The following TFDP1 variants were observed in gnomAD, a reference collection of about 807,000 sequenced individuals.
TFDP1 encodes transcription factor Dp-1.
A neutral mutation model predicts 48.0 loss-of-function variants in TFDP1; 6 were observed. The ratio of observed to expected loss-of-function variants is 0.13; its 90% confidence interval spans 0.07 to 0.25. TFDP1 has a LOEUF of 0.25. Among genes scored for constraint, TFDP1 ranks in the 10% least tolerant of loss-of-function variants. The pLI is 1.00. For synonymous variants in TFDP1, 201 were observed against 211.6 expected (o/e 0.95, Z 0.44); for missense variants, 335 against 543.0 (o/e 0.62, Z 3.81).
intron 3 of TFDP1, among the ~76,000 whole-genome samples, chr13:113,616,551 A>G (rs1199759324): frequency 2.6e-5 from 4 of 152,120 alleles, no homozygotes; most frequent in African/African-American, 9.7e-5. Context: ...GATTATACAT[A>G]TCCTCTTAGC....
At chr13:113,585,600 G>C (rs775639143) in intron 1 of TFDP1, 174 bp from the exon 2 acceptor site, 3 of 431,880 alleles carry the variant, frequency 6.9e-6, no homozygotes, top group African/African-American at 4.0e-5. Flanking sequence ...CGTCTGGCGA[G>C]GCGACTGAAA....
chr13:113,598,982 G>C lies in TFDP1; in HGVS notation c.13-12014G>C, dbSNP rs1027215221. Among the ~76,000 whole-genome samples the C allele has an allele frequency of 6.6e-6, 1 of 152,238 alleles. No homozygotes were observed. Among genetic ancestry groups the C allele is most frequent in the Non-Finnish European group, 1.5e-5 (1 of 68,044 alleles). On this transcript the variant is annotated intron_variant, in intron 2 of 11. Coordinates refer to ENST00000375370, the MANE Select transcript of TFDP1 (RefSeq NM_007111.5). This position sits in a 1 kb window ranked among gnomAD's most constrained non-coding sequence, Gnocchi z 4.2. ...ATTTAAAAACGTAGGGTGCAGAAAG[G>C]TGTCAGAAAGTAAGCAGTCATCTGA...
At chr13:113,593,533 AG>A (rs141372207) in intron 2 of TFDP1, among the ~76,000 whole-genome samples, 2,381 of 127,900 alleles carry the variant, frequency 0.019, 165 homozygotes, top group African/African-American at 0.073. Flanking sequence ...CACCCTGCCC[AG>A]GTGACAGGTG....
At chr13:113,634,483 C>G in intron 7 of TFDP1, 51 bp from the exon 8 acceptor site, 2 of 1,529,590 alleles carry the variant, frequency 1.3e-6, no homozygotes. Flanking sequence ...TTAAAAAACG[C>G]TCTGTGGAAC....
chr13:113,585,788 TTC>T lies in TFDP1; in HGVS notation c.-46_-45del. On this transcript the variant is annotated 5_prime_UTR_variant, in exon 2 of 12. Coordinates refer to ENST00000375370, the MANE Select transcript of TFDP1 (RefSeq NM_007111.5). ...TTTTTTACCAGAAAAATCATTTTTC[TTC>T]TCTGGGAAGGTGAACATTTGTAGCA... 6.6e-7 allele frequency: 1 copy of T among 1,504,110 alleles called. No homozygotes were observed. Among genetic ancestry groups the T allele is most frequent in the Non-Finnish European group, 9.0e-7 (1 of 1,108,794 alleles). 93.2% of individuals were successfully genotyped at this position (1,504,110 alleles called of 1,614,324 possible). A position where few individuals can be genotyped will look rare whatever the true frequency, so the allele number is the denominator to read the frequency against.
intron 2 of TFDP1, among the ~76,000 whole-genome samples, chr13:113,606,196 T>A (rs1156957936): frequency 7.8e-6 from 1 of 127,584 alleles, no homozygotes; most frequent in Non-Finnish European, 1.7e-5. Context: ...GGCGGTGCGG[T>A]GGTTGAGTGT....
At chr13:113,595,882 A>G (rs1214577927) in intron 2 of TFDP1, among the ~76,000 whole-genome samples, 2 of 152,216 alleles carry the variant, frequency 1.3e-5, no homozygotes, top group East Asian at 1.9e-4. Context: ...GGATATCGAG[A>G]CCATCCTGGC....
rs768982983 is a variant in TFDP1, at chr13:113,637,738, C to T, written c.1007-80C>T. The stretch of plus-strand genomic sequence containing the variant: ...TACAGCCGTCTGTCCTGTGGAACTG[C>T]GCGTCATTTTGTTGGTTGCCTGTGC... On this transcript the variant is annotated intron_variant, in intron 10 of 11. Transcript: ENST00000375370. The T allele has an allele frequency of 5.1e-5, 82 of 1,611,556 alleles. No homozygotes were observed. The Middle Eastern group carries it at 8.2e-4, about 16-fold the overall frequency.
At position 113,636,120 on chromosome 13, in the gene TFDP1, C is replaced by T. The variant is rs755544095; in HGVS notation, c.831C>T (p.Ser277=). 2 of 1,614,188 alleles carry T rather than the reference C, an allele frequency of 1.2e-6. No homozygotes were observed. The highest frequency in any genetic ancestry group is 1.7e-6 in the Non-Finnish European group (2 of 1,180,010). ...SKKTVIDCSI[S]NDKFEYLFNF... ...AGACGGTCATCGACTGCAGCATCTC[C>T]AATGACAAGTAGGTTGTGGGCGGGG... is the stretch of plus-strand genomic sequence containing the variant. The change falls in exon 9 of 12, where the codon TCC becomes TCT. Residue 277 remains serine (S), a synonymous_variant. Coordinates refer to ENST00000375370, the MANE Select transcript of TFDP1 (RefSeq NM_007111.5).
intron 2 of TFDP1, among the ~76,000 whole-genome samples, chr13:113,610,333 T>C (rs1243795532): frequency 6.6e-6 from 1 of 151,982 alleles, no homozygotes; most frequent in Non-Finnish European, 1.5e-5. Flanking sequence ...GTGACTGTAC[T>C]GTCATGCGTG....
chr13:113,591,664 CAGTTG>C (rs2048150085), intron 2 of TFDP1, among the ~76,000 whole-genome samples: 1 of 152,160 alleles, frequency 6.6e-6, no homozygotes, highest in Non-Finnish European at 1.5e-5. Flanking sequence ...TCCAGATTTG[CAGTTG>C]ATATTTAGCT....
chr13:113,633,509 T>G lies in TFDP1; in HGVS notation c.474+224T>G, dbSNP rs1267575309. ...TTCGCTCTTTTAATATCGGGAACAGTTAAAACCATACAGAAAATGCCAAGT... is the reference window on the plus strand; with the variant it reads ...TTCGCTCTTTTAATATCGGGAACAGGTAAAACCATACAGAAAATGCCAAGT... On this transcript the variant is annotated intron_variant, in intron 6 of 11. Transcript: ENST00000375370. This position sits in a 1 kb window ranked among gnomAD's most constrained non-coding sequence, Gnocchi z 4.5. 6.6e-6 allele frequency among the ~76,000 whole-genome samples: 1 copy of G among 151,866 alleles called. No individual in the cohort carries two copies. The highest frequency in any genetic ancestry group is 1.5e-5 in the Non-Finnish European group (1 of 67,962).
At chr13:113,615,278 C>T (rs1324369422) in intron 3 of TFDP1, among the ~76,000 whole-genome samples, 4 of 152,218 alleles carry the variant, frequency 2.6e-5, no homozygotes, top group Non-Finnish European at 5.9e-5. Context: ...TCCTCACCAG[C>T]ATTTGGTAGT....
chr13:113,622,802 C>T (rs1335496706), intron 3 of TFDP1, among the ~76,000 whole-genome samples: 1 of 152,214 alleles, frequency 6.6e-6, no homozygotes, highest in Non-Finnish European at 1.5e-5. Flanking sequence ...AGTTTTGCAG[C>T]CTTATAGAGA....
In TFDP1 at chr13:113,589,834, C is replaced by T. The variant is rs144194014; in HGVS notation, c.12+3985C>T. On this transcript the variant is annotated intron_variant, in intron 2 of 11. Transcript: ENST00000375370. ...GGCTTGGCACTGGCATCTCAGCCTG[C>T]GGCCAAGTTTCCTGCCTGCCCAGGC... Among the ~76,000 whole-genome samples, 457 of 152,300 alleles carry T rather than the reference C, an allele frequency of 3.0e-3. 1 individual carries two copies. The highest frequency in any genetic ancestry group is 4.8e-3 in the Non-Finnish European group (327 of 68,006).
chr13:113,596,255 C>G (rs1000582961), intron 2 of TFDP1, among the ~76,000 whole-genome samples: 2 of 152,126 alleles, frequency 1.3e-5, no homozygotes, highest in Non-Finnish European at 2.9e-5. Context: ...GGGAGATGAC[C>G]GTGGTGGGAG....
chr13:113,611,514 C>T (rs1566653450), intron 3 of TFDP1, among the ~76,000 whole-genome samples: 1 of 152,200 alleles, frequency 6.6e-6, no homozygotes, highest in Non-Finnish European at 1.5e-5. Context: ...TTTACTAGCT[C>T]TTGAGGAAGA....
chr13:113,606,973 C>T (rs1451084854), intron 2 of TFDP1, among the ~76,000 whole-genome samples: 2 of 152,134 alleles, frequency 1.3e-5, no homozygotes, highest in Non-Finnish European at 2.9e-5. Context: ...GCCAGGTGTG[C>T]ATTTATTCAT....
intron 3 of TFDP1, among the ~76,000 whole-genome samples, chr13:113,614,185 TTGTA>T (rs989057602): frequency 2.6e-5 from 4 of 151,344 alleles, no homozygotes; most frequent in African/African-American, 2.4e-5. Context: ...GTTGAATGAG[TTGTA>T]TGTGTGTGTT....
Sources: gnomAD v4.1 joint callset for allele counts (sites outside exome capture counted in the v4.1 genomes callset) on GRCh38, gnomAD v4.1.1 for gene constraint, Gnocchi (gnomAD v3.1) non-coding constraint, MANE v1.5 for transcripts, NCBI Gene and HGNC (gene_info 2026-07-23, HGNC 2026-07-21) for gene names.